Variants in HSPA12A observed in about 807,000 individuals in gnomAD.
The protein encoded by HSPA12A is heat shock 70 kDa protein 12A.
In HSPA12A, 28 loss-of-function variants were observed where a neutral mutation model predicts 69.2. The ratio of observed to expected loss-of-function variants is 0.40; its 90% CI spans 0.30 to 0.55. HSPA12A has a LOEUF of 0.55. Among genes scored for constraint, HSPA12A ranks in the 20% least tolerant of loss-of-function variants. The probability of loss-of-function intolerance (pLI) is 0.38; values close to 1 mark genes in which losing one functional copy is unlikely to be tolerated. For synonymous variants in HSPA12A, 345 were observed against 370.5 expected, an observed-to-expected ratio of 0.93 and a Z score of 0.79; for missense variants, 686 against 900.7, an observed-to-expected ratio of 0.76 and a Z score of 3.05.
chr10:116,765,968 T>C (rs1844068397), intron 2 of HSPA12A, among the ~76,000 whole-genome samples: 1 of 152,226 alleles, frequency 6.6e-6, no homozygotes, highest in South Asian at 2.1e-4. Context: ...GCTGCATTCC[T>C]CTCTGCAGCC....
At chr10:116,841,270 T>G (rs756208961) in intron 1 of HSPA12A, among the ~76,000 whole-genome samples, 4 of 152,168 alleles carry the variant, frequency 2.6e-5, no homozygotes, top group Admixed American at 1.3e-4. Context: ...CAAACATCAT[T>G]AATAACATAA....
chr10:116,729,759 G>C (rs781787458), intron 1 of HSPA12A, among the ~76,000 whole-genome samples: 1 of 152,142 alleles, frequency 6.6e-6, no homozygotes, highest in Non-Finnish European at 1.5e-5. Context: ...AGGGCCAACT[G>C]TATCTACATT....
intron 1 of HSPA12A, among the ~76,000 whole-genome samples, chr10:116,847,137 A>G (rs552304106): frequency 1.1e-4 from 16 of 152,298 alleles, no homozygotes; most frequent in Admixed American, 8.5e-4. Context: ...AATGCATCAT[A>G]TCGCCTCCAT....
chr10:116,735,724 C>T (rs111466400), intron 1 of HSPA12A, among the ~76,000 whole-genome samples: 9 of 151,986 alleles, frequency 5.9e-5, no homozygotes, highest in African/African-American at 1.4e-4. Context: ...TTGCCAGGCA[C>T]GGTGGCTCAT....
At chr10:116,792,073 T>C (rs746543780) in intron 2 of HSPA12A, among the ~76,000 whole-genome samples, 1 of 151,652 alleles carries the variant, frequency 6.6e-6, no homozygotes, top group Admixed American at 6.6e-5. Context: ...ATAATAATAA[T>C]GATGGCCATA....
intron 3 of HSPA12A, 116 bp downstream of exon 3, chr10:116,705,035 C>G (rs1424018849): frequency 2.3e-6 from 3 of 1,298,848 alleles, no homozygotes; most frequent in Non-Finnish European, 3.2e-6. Context: ...TTGAGCCAAG[C>G]TGGAACAGAA....
At chr10:116,804,692 A>G (rs1015091584) in intron 2 of HSPA12A, among the ~76,000 whole-genome samples, 1 of 152,192 alleles carries the variant, frequency 6.6e-6, no homozygotes, top group Non-Finnish European at 1.5e-5. Flanking sequence ...GGTTGTTATA[A>G]GATTAAAACA....
Position 116,696,002 on chromosome 10 carries a change from C to CAAAAAAAA in HSPA12A, c.546+2625_546+2632dup, listed in dbSNP as rs71013609. Among the ~76,000 whole-genome samples the CAAAAAAAA allele has an allele frequency of 1.2e-3, 38 of 32,724 alleles. 1 individual carries two copies. The highest frequency in any genetic ancestry group is 2.3e-3 in the South Asian group (1 of 440). 21.5% of individuals were successfully genotyped at this position (32,724 alleles called of 152,430 possible). A position where few individuals can be genotyped will look rare whatever the true frequency, so the allele number is the denominator to read the frequency against. The stretch of plus-strand genomic sequence containing the variant: ...TGGGCAACAGAGAGAGACTCCATCT[C>CAAAAAAAA]AAAAAAAAAAAAAAAAAAAAAGGCT... On this transcript the variant is annotated intron_variant, in intron 5 of 11. Coordinates refer to ENST00000369209, the MANE Select transcript of HSPA12A (RefSeq NM_025015.3).
intron 1 of HSPA12A, among the ~76,000 whole-genome samples, chr10:116,836,727 A>G (rs1236482701): frequency 2.0e-5 from 3 of 151,936 alleles, no homozygotes; most frequent in Non-Finnish European, 4.4e-5. Context: ...CTTCCCTGCT[A>G]TATGGTATGA....
upstream of HSPA12A, among the ~76,000 whole-genome samples, chr10:116,743,658 A>G (rs782466657): frequency 1.3e-4 from 20 of 152,154 alleles, no homozygotes; most frequent in Non-Finnish European, 2.2e-4. Flanking sequence ...GGGAGGCTTC[A>G]TCGTACAATC....
intron 2 of HSPA12A, among the ~76,000 whole-genome samples, chr10:116,796,651 AC>A (rs1844833245): frequency 6.6e-6 from 1 of 151,996 alleles, no homozygotes; most frequent in African/African-American, 2.4e-5. Flanking sequence ...TGAAAGGGAA[AC>A]CCCCAGCTGT....
intron 5 of HSPA12A, 144 bp from the exon 6 acceptor site, chr10:116,692,611 G>A (rs1325315265): frequency 3.0e-6 from 2 of 668,346 alleles, no homozygotes. Context: ...CAGCATCAGA[G>A]AGCAAAGATC....
At chr10:116,743,998 T>C (rs1554887597), upstream of HSPA12A, among the ~76,000 whole-genome samples, 1 of 152,174 alleles carries the variant, frequency 6.6e-6, no homozygotes, top group Non-Finnish European at 1.5e-5. Context: ...TAGCACATGG[T>C]AAAAATCATT....
At chr10:116,821,550 T>C (rs1179103911) in intron 2 of HSPA12A, among the ~76,000 whole-genome samples, 1 of 152,256 alleles carries the variant, frequency 6.6e-6, no homozygotes, top group Non-Finnish European at 1.5e-5. Flanking sequence ...CATATTCAGA[T>C]TTGCACACAT....
Position 116,742,533 on chromosome 10 carries a change from T to C in HSPA12A, c.-64A>G, listed in dbSNP as rs1851548207. The C allele has an allele frequency of 5.0e-6, 6 of 1,194,082 alleles. No homozygotes were observed. Among genetic ancestry groups the C allele is most frequent in the Non-Finnish European group, 6.2e-6 (6 of 963,538 alleles). The allele number at this position is 1,194,082 out of a possible 1,614,324, so 74.0% of individuals were successfully genotyped here. A position where few individuals can be genotyped will look rare whatever the true frequency, so the allele number is the denominator to read the frequency against. On this transcript the variant is annotated 5_prime_UTR_variant, in exon 1 of 12. Coordinates refer to ENST00000369209, the MANE Select transcript of HSPA12A (RefSeq NM_025015.3). ...CAGCGCCCGTGCCCGTGCGGGTCTC[T>C]GTCCGCGTCCGCGGCGGCGCTCGGG...
At chr10:116,734,411 C>T (rs572241285) in intron 1 of HSPA12A, among the ~76,000 whole-genome samples, 30 of 147,672 alleles carry the variant, frequency 2.0e-4, no homozygotes, top group South Asian at 1.1e-3. Context: ...GATCACACCA[C>T]TATACTCCAG....
chr10:116,811,892 G>A (rs79255436), intron 2 of HSPA12A, among the ~76,000 whole-genome samples: 2 of 152,150 alleles, frequency 1.3e-5, no homozygotes, highest in Admixed American at 6.5e-5. Flanking sequence ...ATTCCAGGGC[G>A]GGCCTCCATT....
At chr10:116,764,977 G>A (rs1442876866) in intron 2 of HSPA12A, among the ~76,000 whole-genome samples, 1 of 152,174 alleles carries the variant, frequency 6.6e-6, no homozygotes, top group Non-Finnish European at 1.5e-5. Flanking sequence ...CTGTAATTCT[G>A]AAACTATTCT....
At chr10:116,687,982 G>GT (rs533452508) in intron 6 of HSPA12A, among the ~76,000 whole-genome samples, 15 of 147,858 alleles carry the variant, frequency 1.0e-4, no homozygotes, top group Admixed American at 2.7e-4. Flanking sequence ...AACATGATGA[G>GT]TTTTTTTTTG....
Sources: gnomAD v4.1 joint callset for allele counts (sites outside exome capture counted in the v4.1 genomes callset) on GRCh38, gnomAD v4.1.1 for gene constraint, MANE v1.5 for transcripts, NCBI Gene and HGNC (gene_info 2026-07-23, HGNC 2026-07-21) for gene names.